The following PHACTR3 variants were observed in gnomAD, a reference collection of about 807,000 sequenced individuals.
The protein encoded by PHACTR3 is phosphatase and actin regulator 3.
PHACTR3 carries 16 observed loss-of-function variants against 66.8 expected under a neutral mutation model. The ratio of observed to expected loss-of-function variants is 0.24; its 90% CI spans 0.16 to 0.36. PHACTR3 has a LOEUF of 0.36. Among genes scored for constraint, PHACTR3 ranks in the 10% least tolerant of loss-of-function variants. The pLI is 1.00. For missense variants in PHACTR3, 647 were observed against 719.9 expected (o/e 0.90, Z 1.16); for synonymous variants, 323 against 292.1 (o/e 1.11, Z -1.08).
intron 1 of PHACTR3, among the ~76,000 whole-genome samples, chr20:59,659,880 A>G (rs576170507): frequency 6.6e-6 from 1 of 152,274 alleles, no homozygotes; most frequent in African/African-American, 2.4e-5. Context: ...GGGGTCACAG[A>G]GAGCTACGTT....
At chr20:59,754,613 G>A (rs1056911205) in intron 3 of PHACTR3, among the ~76,000 whole-genome samples, 11 of 152,234 alleles carry the variant, frequency 7.2e-5, no homozygotes, top group South Asian at 4.1e-4. Context: ...GTTCTCTGCA[G>A]CCATGACAAC....
rs1022698799 is a variant in PHACTR3 at position 59,736,733 on chromosome 20, G to T, written c.119-6374G>T. ...GGCTCATGTCCTCTGCCCTTGGAGG[G>T]GTTTGTAAGTAGTTTTCTCTGAGCA... On this transcript the variant is annotated intron_variant, in intron 1 of 12. Transcript: ENST00000371015. This position sits in a 1 kb window ranked among gnomAD's most constrained non-coding sequence, Gnocchi z 4.6. Among the ~76,000 whole-genome samples, 4 of 152,172 alleles carry T rather than the reference G, an allele frequency of 2.6e-5. No individual in the cohort carries two copies. The highest frequency in any genetic ancestry group is 5.9e-5 in the Non-Finnish European group (4 of 68,032).
chr20:59,618,542 C>T (rs752811214), intron 1 of PHACTR3, among the ~76,000 whole-genome samples: 53 of 152,144 alleles, frequency 3.5e-4, no homozygotes, highest in African/African-American at 7.0e-4. Context: ...CTACATTGCC[C>T]GGAGGAAGAT....
chr20:59,611,964 T>C (rs1482880578), intron 1 of PHACTR3, among the ~76,000 whole-genome samples: 1 of 152,224 alleles, frequency 6.6e-6, no homozygotes, highest in African/African-American at 2.4e-5. Flanking sequence ...GGAGGGTGGC[T>C]GTCTGGAATG....
intron 8 of PHACTR3, 121 bp from the exon 9 acceptor site, chr20:59,836,384 C>A: frequency 1.2e-6 from 1 of 814,002 alleles, no homozygotes; most frequent in Non-Finnish European, 1.9e-6. Context: ...ACTTTCTCTC[C>A]TTCCAATTTT....
intron 1 of PHACTR3, among the ~76,000 whole-genome samples, chr20:59,651,873 G>A (rs902351743): frequency 7.1e-5 from 10 of 139,922 alleles, no homozygotes; most frequent in Non-Finnish European, 1.4e-4. Context: ...AGGTAGGTAG[G>A]TAGGTAGATA....
chr20:59,833,980 C>G (rs1409173392), intron 8 of PHACTR3, among the ~76,000 whole-genome samples: 1 of 152,064 alleles, frequency 6.6e-6, no homozygotes, highest in Non-Finnish European at 1.5e-5. Context: ...GGATGTCATG[C>G]CAGTGGGTTG....
chr20:59,601,744 A>G (rs140477678), upstream of PHACTR3, among the ~76,000 whole-genome samples: 921 of 152,308 alleles, frequency 6.0e-3, 5 homozygotes, highest in Non-Finnish European at 0.011. Flanking sequence ...TTTAGTATGG[A>G]ACATCTCAAA....
At chr20:59,772,704 C>T (rs1484162623) in intron 5 of PHACTR3, among the ~76,000 whole-genome samples, 2 of 152,156 alleles carry the variant, frequency 1.3e-5, no homozygotes, top group Non-Finnish European at 2.9e-5. Context: ...GAGACTGGGC[C>T]ATGAGTTCGA....
At chr20:59,740,774 G>A (rs1300700641) in intron 1 of PHACTR3, among the ~76,000 whole-genome samples, 1 of 152,232 alleles carries the variant, frequency 6.6e-6, no homozygotes, top group Non-Finnish European at 1.5e-5. Context: ...CAGACCCCGT[G>A]GAAGCTCTAG....
chr20:59,664,521 T>C (rs2035921347), intron 1 of PHACTR3, among the ~76,000 whole-genome samples: 1 of 152,324 alleles, frequency 6.6e-6, no homozygotes, highest in East Asian at 1.9e-4. Context: ...GTCCCCAGGA[T>C]CATGCTTGGC....
chr20:59,672,648 C>T (rs1601061791), intron 1 of PHACTR3, among the ~76,000 whole-genome samples: 3 of 152,200 alleles, frequency 2.0e-5, no homozygotes, highest in South Asian at 2.1e-4. Context: ...ACCTGATAAA[C>T]GTGCGTGAGC....
At chr20:59,808,136 T>TG (rs2041624912) in intron 8 of PHACTR3, among the ~76,000 whole-genome samples, 1 of 152,112 alleles carries the variant, frequency 6.6e-6, no homozygotes, top group African/African-American at 2.4e-5. Flanking sequence ...ATGAGCCGGG[T>TG]GGAGCTGACT....
intron 1 of PHACTR3, among the ~76,000 whole-genome samples, chr20:59,584,691 A>C (rs895403920): frequency 5.3e-5 from 8 of 152,232 alleles, no homozygotes; most frequent in Non-Finnish European, 8.8e-5. Context: ...CATCTAAGCC[A>C]GGCCTCCACC....
intron 1 of PHACTR3, among the ~76,000 whole-genome samples, chr20:59,633,129 T>A (rs1426523664): frequency 6.6e-6 from 1 of 152,238 alleles, no homozygotes; most frequent in African/African-American, 2.4e-5. Flanking sequence ...ACACAGCGTG[T>A]GCTAGAGATT....
At chr20:59,758,908 TC>T (rs2039901044) in intron 4 of PHACTR3, among the ~76,000 whole-genome samples, 1 of 151,980 alleles carries the variant, frequency 6.6e-6, no homozygotes, top group African/African-American at 2.4e-5. Context: ...AATTAAGTGA[TC>T]CCCAGGAAAG....
chr20:59,712,670 A>G (rs938322977), intron 1 of PHACTR3, among the ~76,000 whole-genome samples: 4 of 152,338 alleles, frequency 2.6e-5, no homozygotes, highest in African/African-American at 9.6e-5. Context: ...CACATTTGTT[A>G]TGTTGATTGT....
Position 59,755,282 on chromosome 20 carries a change from G to T in PHACTR3, c.459G>T (p.Gln153His). The change falls in exon 4 of 13, where the codon CAG becomes CAT. Residue 153 changes from glutamine to histidine, a missense_variant. Gln to His is a conservative substitution (Grantham distance 24). This residue lies in a region of PHACTR3 where 577 missense variants were observed against 571.1 expected (regional missense o/e 1.01). Coordinates refer to ENST00000371015, the MANE Select transcript of PHACTR3 (RefSeq NM_080672.5). ...AGACGCTGACTTCAGAAGATGCCCA[G>T]CCCGGAAGCCCCTTGGCCACTGGGA... Reference protein sequence around the residue: ...KSETLTSEDAQPGSPLATGTD... With the variant: ...KSETLTSEDAHPGSPLATGTD... The T allele has an allele frequency of 6.2e-7, 1 of 1,613,630 alleles. No individual in the cohort carries two copies. The highest frequency in any genetic ancestry group is 2.2e-5 in the East Asian group (1 of 44,868).
At chr20:59,670,605 TGGGGG>T (rs34092952) in intron 1 of PHACTR3, among the ~76,000 whole-genome samples, 1 of 47,126 alleles carries the variant, frequency 2.1e-5, no homozygotes, top group Non-Finnish European at 6.1e-5. Context: ...CTGCCGGGGG[TGGGGG>T]GGGGGGGCAG....
Sources: allele counts gnomAD v4.1 joint callset (sites outside exome capture counted in the v4.1 genomes callset), GRCh38; gene constraint gnomAD v4.1.1; regional missense constraint gnomAD v4.1.1; non-coding constraint Gnocchi (gnomAD v3.1); transcripts MANE v1.5; gene names NCBI Gene and HGNC (gene_info 2026-07-23, HGNC 2026-07-21).